Variants in TRMU observed in about 807,000 individuals in gnomAD.
TRMU encodes the protein mitochondrial tRNA-specific 2-thiouridylase 1.
TRMU carries 49 observed loss-of-function variants against 46.9 expected under a neutral mutation model. The ratio of observed to expected loss-of-function variants is 1.05; its 90% CI spans 0.83 to 1.33. The LOEUF (loss-of-function observed/expected upper bound fraction) is 1.33, where lower values mean the gene tolerates loss of function less well. Ranked by LOEUF, TRMU falls within the 40% of genes most tolerant of loss-of-function variation. The probability of loss-of-function intolerance (pLI) is 0.00; values close to 1 mark genes in which losing one functional copy is unlikely to be tolerated. For missense variants in TRMU, 572 were observed against 532.4 expected, an observed-to-expected ratio of 1.07 and a Z score of -0.73; for synonymous variants, 241 against 200.9, an observed-to-expected ratio of 1.20 and a Z score of -1.69.
chr22:46,346,364 A>AG, intron 3 of TRMU, 58 bp from the exon 4 acceptor site: 1 of 1,592,228 alleles, frequency 6.3e-7, no homozygotes. Flanking sequence ...GTTTATGCTG[A>AG]TCAAGGCCTG....
intron 7 of TRMU, chr22:46,352,589 T>G: frequency 1.8e-6 from 1 of 571,004 alleles, no homozygotes; most frequent in South Asian, 2.0e-5. Context: ...AGGACTATAC[T>G]CTGTGAGTTA....
In TRMU at chr22:46,348,145, G is replaced by A. The variant is rs75944110; in HGVS notation, c.478+1601G>A. ...AGTCCTGCCACTTGGGAACTCCAGG[G>A]TGGAATTCACCAAGTAATTGTGCAT... On this transcript the variant is annotated intron_variant, in intron 4 of 10. Coordinates refer to ENST00000645190, the MANE Select transcript of TRMU (RefSeq NM_018006.5). The surrounding 1 kb of genome is among the most constrained non-coding windows in gnomAD (Gnocchi z 4.8). 0.03 allele frequency among the ~76,000 whole-genome samples: 4,505 copies of A among 152,256 alleles called. 236 individuals carry two copies. Among genetic ancestry groups the A allele is most frequent in the African/African-American group, 0.1 (4,187 of 41,514 alleles).
Position 46,353,988 on chromosome 22 carries a change from C to A in TRMU, c.873+121C>A, listed in dbSNP as rs9615350. ...GGCTTCCTGGAGGCTGTGACTAACT[C>A]TGTTCCTGTCCTTGGTCCCCTGCCT... On this transcript the variant is annotated intron_variant, in intron 8 of 10. Transcript: ENST00000645190. The A allele has an allele frequency of 6.9e-6, 6 of 870,500 alleles. No homozygotes were observed. In the African/African-American group the frequency reaches 8.3e-5, roughly 12 times the overall value. 53.9% of individuals were successfully genotyped at this position (870,500 alleles called of 1,614,324 possible).
chr22:46,355,617 G>A lies in TRMU; in HGVS notation c.1018+29G>A, dbSNP rs373010126. On this transcript the variant is annotated intron_variant, in intron 9 of 10. Coordinates refer to ENST00000645190, the MANE Select transcript of TRMU (RefSeq NM_018006.5). ...ACTGACGGGAGGGCTCCTGAGGACG[G>A]GCCCCTTGAAGCTGAGCTTCCTGAG... is the stretch of plus-strand genomic sequence containing the variant. 385 of 1,613,208 alleles carry A rather than the reference G, an allele frequency of 2.4e-4. 5 individuals carry two copies. The South Asian group carries it at 3.4e-3, about 14-fold the overall frequency.
chr22:46,335,803 C>G lies in TRMU; in HGVS notation c.39C>G (p.Gly13=), dbSNP rs762544346. The G allele has an allele frequency of 1.5e-5, 23 of 1,562,112 alleles. 1 individual carries two copies. The Middle Eastern group carries it at 8.3e-4, about 56-fold the overall frequency. The stretch of plus-strand genomic sequence containing the variant: ...GGCACGTCGTGTGCGCCCTGTCCGG[C>G]GGCGTGGACAGCGCCGTGGCCGCGC... ...ALRHVVCALS[G]GVDSAVAALL... Residue 13 remains glycine, a synonymous_variant, in exon 1 of 11, where the codon GGC becomes GGG. Coordinates refer to ENST00000645190, the MANE Select transcript of TRMU (RefSeq NM_018006.5).
intron 6 of TRMU, 35 bp downstream of exon 6, chr22:46,352,209 T>C (rs771707459): frequency 1.2e-6 from 2 of 1,613,796 alleles, no homozygotes; most frequent in African/African-American, 2.7e-5. Flanking sequence ...GAGATGGGGC[T>C]GCGTGTCTGC....
rs1395994449 is a variant in TRMU at position 46,356,086 on chromosome 22, G to T, written c.1101+14G>T. On this transcript the variant is annotated intron_variant, in intron 10 of 10. Coordinates refer to ENST00000645190, the MANE Select transcript of TRMU (RefSeq NM_018006.5). ...GCCACAGGACAGGTGCGTGGGGTGT[G>T]GGGGTGAGCCCGGGGAGGACTGTAC... 6.8e-6 allele frequency: 11 copies of T among 1,613,608 alleles called. No homozygotes were observed. In the African/African-American group the frequency reaches 1.3e-4, roughly 20 times the overall value.
At chr22:46,344,322 C>G (rs549368664) in intron 3 of TRMU, among the ~76,000 whole-genome samples, 2 of 152,164 alleles carry the variant, frequency 1.3e-5, no homozygotes, top group African/African-American at 2.4e-5. Flanking sequence ...AGGGGTGATG[C>G]GTCCCCTGTG....
At chr22:46,353,512 C>G in intron 7 of TRMU, 1 of 425,948 alleles carries the variant, frequency 2.3e-6, no homozygotes, top group South Asian at 2.0e-5. Context: ...CTGGAACCTG[C>G]ACCTTCTGGG....
intron 10 of TRMU, chr22:46,356,541 C>T: frequency 2.1e-6 from 1 of 479,190 alleles, no homozygotes; most frequent in East Asian, 3.6e-5. Flanking sequence ...CTTCCTGTCA[C>T]AGCTCCACAT....
chr22:46,352,195 C>G (rs2078450489), intron 6 of TRMU, 21 bp downstream of exon 6: 1 of 1,614,084 alleles, frequency 6.2e-7, no homozygotes, highest in Non-Finnish European at 8.5e-7. Flanking sequence ...CTCTTTGACA[C>G]AAAGAGATGG....
intron 3 of TRMU, among the ~76,000 whole-genome samples, 192 bp from the exon 4 acceptor site, chr22:46,346,230 G>T (rs2078253305): frequency 6.6e-6 from 1 of 152,202 alleles, no homozygotes; most frequent in South Asian, 2.1e-4. Flanking sequence ...AGAGTTCAAG[G>T]CTGCTTGTTT....
rs2077952522 is a variant in TRMU, at chr22:46,335,759, T to C, written c.-6T>C. ...GCTGCAGCTGGCGAAGTTGGGCGAC[T>C]GGCGGATGCAGGCCTTGCGGCACGT... On this transcript the variant is annotated 5_prime_UTR_variant, in exon 1 of 11. Coordinates refer to ENST00000645190, the MANE Select transcript of TRMU (RefSeq NM_018006.5). 16 of 1,550,422 alleles carry C rather than the reference T, an allele frequency of 1.0e-5. No homozygotes were observed. The highest frequency in any genetic ancestry group is 1.4e-5 in the Non-Finnish European group (16 of 1,151,616).
chr22:46,355,612 G>A, intron 9 of TRMU, 24 bp downstream of exon 9: 2 of 1,613,248 alleles, frequency 1.2e-6, no homozygotes, highest in Middle Eastern at 1.6e-4. Flanking sequence ...GGGCTCCTGA[G>A]GACGGGCCCC....
In TRMU at chr22:46,350,344, A is replaced by G; in HGVS notation, c.532A>G (p.Ser178Gly). ...CTTTAAAGACCAGACCTTCTTTCTC[A>G]GCCAGGTTTCCCAGGATGCCCTGAG... ...DSFKDQTFFLSQVSQDALRRT... is the reference protein window; with the variant it reads ...DSFKDQTFFLGQVSQDALRRT... Residue 178 changes from serine (S) to glycine (G), a missense_variant, in exon 5 of 11, where the codon AGC (serine) becomes GGC (glycine). Physicochemically the swap from Ser to Gly is moderately conservative, Grantham distance 56. Coordinates refer to ENST00000645190, the MANE Select transcript of TRMU (RefSeq NM_018006.5). The surrounding 1 kb of genome is among the most constrained non-coding windows in gnomAD (Gnocchi z 4.6). 1 of 1,614,226 alleles carries G rather than the reference A, an allele frequency of 6.2e-7. No individual in the cohort carries two copies. The highest frequency in any genetic ancestry group is 1.1e-5 in the South Asian group (1 of 91,090).
intron 7 of TRMU, chr22:46,353,409 G>A (rs1302351744): frequency 1.8e-5 from 6 of 342,184 alleles, no homozygotes; most frequent in Admixed American, 3.9e-5. Flanking sequence ...CTGTGAAGAC[G>A]TGCAGCTATG....
intron 3 of TRMU, 135 bp from the exon 4 acceptor site, chr22:46,346,287 G>A: frequency 9.7e-7 from 1 of 1,028,776 alleles, no homozygotes; most frequent in Non-Finnish European, 1.4e-6. Flanking sequence ...TCTATGTTTG[G>A]GTGCAGGGTG....
chr22:46,340,415 C>T (rs2078091360), intron 2 of TRMU, among the ~76,000 whole-genome samples: 2 of 152,230 alleles, frequency 1.3e-5, no homozygotes, highest in South Asian at 4.1e-4. Context: ...CCTGCCAGCA[C>T]AGCTTTTTCA....
At chr22:46,340,625 C>G (rs2078097759) in intron 2 of TRMU, among the ~76,000 whole-genome samples, 2 of 129,160 alleles carry the variant, frequency 1.5e-5, no homozygotes, top group South Asian at 5.7e-4. Flanking sequence ...GATTAAACCC[C>G]AGAATTAGGA....
Sources: allele counts gnomAD v4.1 joint callset (sites outside exome capture counted in the v4.1 genomes callset), GRCh38; gene constraint gnomAD v4.1.1; non-coding constraint Gnocchi (gnomAD v3.1); transcripts MANE v1.5; gene names NCBI Gene and HGNC (gene_info 2026-07-23, HGNC 2026-07-21).